The following E2F3 variants were observed in gnomAD, a reference collection of about 807,000 sequenced individuals.
The protein encoded by E2F3 is E2F transcription factor 3, also known as transcription factor E2F3.
A neutral mutation model predicts 44.4 loss-of-function variants in E2F3; 11 were observed. That is an observed-to-expected ratio of 0.25 (90% CI 0.16 to 0.41). The LOEUF (loss-of-function observed/expected upper bound fraction) is 0.41. Ranked by LOEUF, E2F3 falls within the 10% of genes least tolerant of loss-of-function variation. The probability of loss-of-function intolerance (pLI) is 1.00; values close to 1 mark genes in which losing one functional copy is unlikely to be tolerated. For missense variants in E2F3, 487 were observed against 583.6 expected, an observed-to-expected ratio of 0.83 and a Z score of 1.70; for synonymous variants, 249 against 253.0, an observed-to-expected ratio of 0.98 and a Z score of 0.15.
chr6:20,490,005 G>A lies in E2F3; in HGVS notation c.1136-163G>A, dbSNP rs1220725258. 6.6e-6 allele frequency among the ~76,000 whole-genome samples: 1 copy of A among 152,074 alleles called. No individual in the cohort carries two copies. The highest frequency in any genetic ancestry group is 2.4e-5 in the African/African-American group (1 of 41,410). ...GACGGGGGTGGCAAGGAACTTTTTTGTACCTGTTAGCATAAAAGGTGATCT... is the reference window on the plus strand; with the variant it reads ...GACGGGGGTGGCAAGGAACTTTTTTATACCTGTTAGCATAAAAGGTGATCT... On this transcript the variant is annotated intron_variant, in intron 6 of 6. Coordinates refer to ENST00000346618, the MANE Select transcript of E2F3 (RefSeq NM_001949.5). This position sits in a 1 kb window ranked among gnomAD's most constrained non-coding sequence, Gnocchi z 4.3.
chr6:20,458,523 G>A (rs1287226489), intron 1 of E2F3, among the ~76,000 whole-genome samples: 1 of 152,112 alleles, frequency 6.6e-6, no homozygotes, highest in Non-Finnish European at 1.5e-5. Flanking sequence ...GTGCTTGCCG[G>A]TGGACCTTGG....
chr6:20,449,985 A>G (rs6929619), intron 1 of E2F3, among the ~76,000 whole-genome samples: 137,803 of 152,214 alleles, frequency 0.91, 62,465 homozygotes, highest in East Asian at 0.94. Context: ...ATTCCGAGGT[A>G]TATATGTACC....
chr6:20,467,772 G>T (rs1412910236), intron 1 of E2F3, among the ~76,000 whole-genome samples: 1 of 151,944 alleles, frequency 6.6e-6, no homozygotes, highest in Non-Finnish European at 1.5e-5. Context: ...TTATTAGTTC[G>T]CATTTCTTCA....
In E2F3 at chr6:20,411,482, G is replaced by A. The variant is rs117891082; in HGVS notation, c.393+8857G>A. 2.0e-5 allele frequency among the ~76,000 whole-genome samples: 3 copies of A among 152,268 alleles called. No individual in the cohort carries two copies. In the East Asian group the frequency reaches 5.8e-4, roughly 29 times the overall value. On this transcript the variant is annotated intron_variant, in intron 1 of 6. Coordinates refer to ENST00000346618, the MANE Select transcript of E2F3 (RefSeq NM_001949.5). ...CTTGCCCTCTGCCTGGCTCTTAGAA[G>A]GAAGCAGACTTGCCACCTTCAGTGG... is the stretch of plus-strand genomic sequence containing the variant.
chr6:20,434,636 T>C (rs60509261), intron 1 of E2F3, among the ~76,000 whole-genome samples: 5,981 of 152,306 alleles, frequency 0.039, 378 homozygotes, highest in African/African-American at 0.13. Context: ...CAGGTTTCTC[T>C]TCAGGTGCCT....
chr6:20,454,763 T>C (rs1372419888), intron 1 of E2F3, among the ~76,000 whole-genome samples: 2 of 152,236 alleles, frequency 1.3e-5, no homozygotes, highest in African/African-American at 4.8e-5. Context: ...CAAATACTTC[T>C]GATGACTGTT....
chr6:20,486,286 T>C (rs1013640590), intron 4 of E2F3, among the ~76,000 whole-genome samples: 2 of 152,162 alleles, frequency 1.3e-5, no homozygotes, highest in African/African-American at 2.4e-5. Context: ...TACACATACT[T>C]TTTTGAGAAG....
At chr6:20,484,316 G>T (rs1320588823) in intron 4 of E2F3, among the ~76,000 whole-genome samples, 1 of 152,182 alleles carries the variant, frequency 6.6e-6, no homozygotes, top group Non-Finnish European at 1.5e-5. Context: ...ATTTATTTCA[G>T]TTCACCATTC....
chr6:20,444,526 G>A (rs1274456901), intron 1 of E2F3, among the ~76,000 whole-genome samples: 1 of 152,078 alleles, frequency 6.6e-6, no homozygotes, highest in African/African-American at 2.4e-5. Flanking sequence ...GGGCCCTCAA[G>A]AAATACTAGT....
At chr6:20,481,895 C>G (rs1056348429) in intron 3 of E2F3, among the ~76,000 whole-genome samples, 1 of 152,126 alleles carries the variant, frequency 6.6e-6, no homozygotes, top group Admixed American at 6.5e-5. Context: ...GATTAACTCA[C>G]TTTCTGGGTA....
At chr6:20,436,763 T>G (rs1209989855) in intron 1 of E2F3, among the ~76,000 whole-genome samples, 1 of 152,224 alleles carries the variant, frequency 6.6e-6, no homozygotes. Context: ...GGTTCTAATA[T>G]GGACTTCTAC....
intron 1 of E2F3, among the ~76,000 whole-genome samples, chr6:20,453,468 G>A (rs1761201662): frequency 6.6e-6 from 1 of 152,144 alleles, no homozygotes. Flanking sequence ...AGACTGGAGT[G>A]CAGTGGTGCA....
chr6:20,473,152 A>G (rs985965087), intron 1 of E2F3, among the ~76,000 whole-genome samples: 4 of 152,248 alleles, frequency 2.6e-5, no homozygotes, highest in African/African-American at 9.6e-5. Context: ...ATACTCATTT[A>G]TGCTGCTTAA....
intron 1 of E2F3, among the ~76,000 whole-genome samples, chr6:20,410,667 G>A (rs1007395242): frequency 3.3e-5 from 5 of 152,208 alleles, no homozygotes; most frequent in African/African-American, 1.2e-4. Context: ...TGCCCAGGCT[G>A]AAATGCAATG....
At chr6:20,458,029 T>A (rs1175973541) in intron 1 of E2F3, among the ~76,000 whole-genome samples, 1 of 152,176 alleles carries the variant, frequency 6.6e-6, no homozygotes, top group East Asian at 1.9e-4. Flanking sequence ...AAAATGAACA[T>A]GACTTCATAT....
At chr6:20,425,859 A>C (rs761150226) in intron 1 of E2F3, among the ~76,000 whole-genome samples, 2 of 152,162 alleles carry the variant, frequency 1.3e-5, no homozygotes, top group Non-Finnish European at 1.5e-5. Flanking sequence ...CCTTCCCCCG[A>C]GGTGGTTGCT....
chr6:20,403,936 G>A, intron 1 of E2F3: 5 of 627,638 alleles, frequency 8.0e-6, no homozygotes, highest in Non-Finnish European at 1.3e-5. Flanking sequence ...GTTTTGGAGT[G>A]GGAACGGGGG....
At chr6:20,418,033 C>T (rs1006196148) in intron 1 of E2F3, among the ~76,000 whole-genome samples, 6 of 152,180 alleles carry the variant, frequency 3.9e-5, no homozygotes, top group Non-Finnish European at 8.8e-5. Context: ...CTGCCTTGCT[C>T]TAGAGTGTAA....
Position 20,402,045 on chromosome 6 carries a change from C to T in E2F3, c.-188C>T, listed in dbSNP as rs969889185. Reference sequence around the variant, plus strand: ...CGGGACCCTCCTCTCTCCAGAGCCCCGATTATTTTTGGCCCCCGGGGCCTG... The same window carrying T: ...CGGGACCCTCCTCTCTCCAGAGCCCTGATTATTTTTGGCCCCCGGGGCCTG... On this transcript the variant is annotated 5_prime_UTR_variant, in exon 1 of 7. Coordinates refer to ENST00000346618, the MANE Select transcript of E2F3 (RefSeq NM_001949.5). This position sits in a 1 kb window ranked among gnomAD's most constrained non-coding sequence, Gnocchi z 5.6. 3.9e-6 allele frequency: 4 copies of T among 1,038,630 alleles called. No individual in the cohort carries two copies. Among genetic ancestry groups the T allele is most frequent in the East Asian group, 3.1e-5 (1 of 32,140 alleles). The allele number at this position is 1,038,630 out of a possible 1,614,324, so 64.3% of individuals were successfully genotyped here.
Sources: allele counts gnomAD v4.1 joint callset (sites outside exome capture counted in the v4.1 genomes callset), GRCh38; gene constraint gnomAD v4.1.1; non-coding constraint Gnocchi (gnomAD v3.1); transcripts MANE v1.5; gene names NCBI Gene and HGNC (gene_info 2026-07-23, HGNC 2026-07-21).